SNX8: variants seen among roughly 807,000 people sequenced by gnomAD.
SNX8 encodes sorting nexin-8.
Under a neutral mutation model 51.6 loss-of-function variants are expected in SNX8, and 25 were observed. The ratio of observed to expected loss-of-function variants is 0.48; its 90% CI spans 0.35 to 0.68. SNX8 has a LOEUF of 0.68. Among genes scored for constraint, SNX8 ranks in the 30% least tolerant of loss-of-function variants. SNX8 has a pLI of 0.00. For missense variants in SNX8, 695 were observed against 624.0 expected, an observed-to-expected ratio of 1.11 and a Z score of -1.21; for synonymous variants, 324 against 277.0, an observed-to-expected ratio of 1.17 and a Z score of -1.68.
At chr7:2,329,727 GAGA>G in intron 1 of SNX8, among the ~76,000 whole-genome samples, 2 of 152,280 alleles carry the variant, frequency 1.3e-5, no homozygotes, top group Admixed American at 1.3e-4. Context: ...ATGCACAACA[GAGA>G]AGGTTCCTGG....
At chr7:2,324,658 G>C (rs1778594433) in intron 1 of SNX8, among the ~76,000 whole-genome samples, 1 of 152,132 alleles carries the variant, frequency 6.6e-6, no homozygotes, top group Non-Finnish European at 1.5e-5. Context: ...GGTATGATCA[G>C]TACTTTGCAG....
chr7:2,330,945 G>C (rs1033790965), intron 1 of SNX8, among the ~76,000 whole-genome samples: 2 of 152,022 alleles, frequency 1.3e-5, no homozygotes, highest in Non-Finnish European at 2.9e-5. Context: ...AAAACTTTGG[G>C]AGGCCGAGGC....
chr7:2,327,419 T>TA (rs1343569720), intron 1 of SNX8, among the ~76,000 whole-genome samples: 2 of 151,520 alleles, frequency 1.3e-5, no homozygotes, highest in African/African-American at 4.9e-5. Context: ...TTTTTATTTT[T>TA]TTTTTGGAAA....
Position 2,319,459 on chromosome 7 carries a change from A to G in SNX8, c.-66+34763T>C, listed in dbSNP as rs554279333. On this transcript the variant is annotated intron_variant, in intron 1 of 5. Transcript: ENST00000435336. ...CGCATCACCTGAGGTCAGAAGTTCA[A>G]GACAAGCTTGGCCAACCATGGCCAA... 1.1e-4 allele frequency among the ~76,000 whole-genome samples: 17 copies of G among 152,202 alleles called. No homozygotes were observed. The East Asian group carries it at 3.3e-3, about 29-fold the overall frequency.
chr7:2,281,459 G>A (rs898833642), intron 1 of SNX8, among the ~76,000 whole-genome samples: 8 of 151,826 alleles, frequency 5.3e-5, no homozygotes, highest in African/African-American at 1.9e-4. Flanking sequence ...CATTTCAAAT[G>A]GGTACACTGC....
upstream of SNX8, among the ~76,000 whole-genome samples, chr7:2,317,233 G>A (rs1796771126): frequency 8.0e-6 from 1 of 124,572 alleles, no homozygotes; most frequent in Non-Finnish European, 1.6e-5. Flanking sequence ...TGTTTCCAAA[G>A]GAAGGATCCT....
At chr7:2,290,665 A>G (rs1307630567) in intron 1 of SNX8, among the ~76,000 whole-genome samples, 2 of 152,224 alleles carry the variant, frequency 1.3e-5, no homozygotes, top group African/African-American at 2.4e-5. Flanking sequence ...CAACAGCCGC[A>G]TGCCCTCCCA....
chr7:2,341,580 G>T (rs1362896812), intron 1 of SNX8, among the ~76,000 whole-genome samples: 1 of 152,204 alleles, frequency 6.6e-6, no homozygotes, highest in Non-Finnish European at 1.5e-5. Flanking sequence ...GCCGAGATGG[G>T]AGGATTGCTG....
At chr7:2,327,565 G>A (rs1466749721) in intron 1 of SNX8, among the ~76,000 whole-genome samples, 9 of 152,164 alleles carry the variant, frequency 5.9e-5, no homozygotes, top group Middle Eastern at 3.2e-3. Context: ...CCGCCACCAT[G>A]CCCGGCTAAT....
intron 1 of SNX8, among the ~76,000 whole-genome samples, chr7:2,300,902 C>T (rs577443551): frequency 1.6e-3 from 249 of 152,300 alleles, no homozygotes; most frequent in Admixed American, 5.7e-3. Flanking sequence ...CTTGGCCTCC[C>T]AAAGTGCTGG....
chr7:2,263,401 C>A, intron 6 of SNX8, 39 bp from the exon 7 acceptor site: 2 of 1,545,346 alleles, frequency 1.3e-6, no homozygotes, highest in Non-Finnish European at 1.8e-6. Flanking sequence ...ACACTCAAGG[C>A]CTGGAGCTCA....
chr7:2,263,186 G>A, intron 7 of SNX8, 44 bp downstream of exon 7: 1 of 1,608,924 alleles, frequency 6.2e-7, no homozygotes, highest in Non-Finnish European at 8.5e-7. Context: ...CAAAGGCATA[G>A]CGTGTTCTCT....
rs181589204 is a variant in SNX8 at position 2,297,981 on chromosome 7, C to T, written c.94+16347G>A. Among the ~76,000 whole-genome samples the T allele has an allele frequency of 1.0e-3, 159 of 151,994 alleles. 2 individuals are homozygous for T. The East Asian group carries it at 0.023, about 22-fold the overall frequency. On this transcript the variant is annotated intron_variant, in intron 1 of 10. Transcript: ENST00000222990. ...ACAATAAAAACCCAGCCTCGACCAA[C>T]GAACAATTCATCTACATAACCAAAA... is the stretch of plus-strand genomic sequence containing the variant.
chr7:2,322,048 T>C (rs1778528686), intron 1 of SNX8, among the ~76,000 whole-genome samples: 1 of 152,204 alleles, frequency 6.6e-6, no homozygotes, highest in South Asian at 2.1e-4. Context: ...CTAAAACATT[T>C]TGCTTAGTAG....
At chr7:2,317,893 CACAGTGGG>C (rs1796781541), upstream of SNX8, among the ~76,000 whole-genome samples, 1 of 152,158 alleles carries the variant, frequency 6.6e-6, no homozygotes, top group East Asian at 1.9e-4. Context: ...TTTCCCTAGG[CACAGTGGG>C]ACATGGCAGG....
intron 1 of SNX8, among the ~76,000 whole-genome samples, chr7:2,284,835 G>A (rs1448852569): frequency 6.6e-6 from 1 of 152,044 alleles, no homozygotes; most frequent in Non-Finnish European, 1.5e-5. Context: ...TCCTTCTTCC[G>A]CTCATAAACA....
At chr7:2,287,638 C>T (rs904517933) in intron 1 of SNX8, among the ~76,000 whole-genome samples, 1 of 152,022 alleles carries the variant, frequency 6.6e-6, no homozygotes, top group Non-Finnish European at 1.5e-5. Flanking sequence ...ATAGTCCCAG[C>T]TACTTGGGAG....
chr7:2,273,989 G>A (rs1408330691), intron 3 of SNX8, among the ~76,000 whole-genome samples: 2 of 152,110 alleles, frequency 1.3e-5, no homozygotes, highest in Non-Finnish European at 2.9e-5. Context: ...GCACTGGCAG[G>A]CCTCTTCCGA....
At chr7:2,329,746 G>A (rs1244224445) in intron 1 of SNX8, among the ~76,000 whole-genome samples, 1 of 152,124 alleles carries the variant, frequency 6.6e-6, no homozygotes, top group African/African-American at 2.4e-5. Context: ...CCTGGAAAGT[G>A]GCACGGGGAG....
Sources: allele counts gnomAD v4.1 joint callset (sites outside exome capture counted in the v4.1 genomes callset), GRCh38; gene constraint gnomAD v4.1.1; transcripts MANE v1.5; gene names NCBI Gene and HGNC (gene_info 2026-07-23, HGNC 2026-07-21).